Variants in SLCO1A2 observed in about 807,000 individuals in gnomAD.
The protein encoded by SLCO1A2 is OATP-1.
In SLCO1A2, 67 loss-of-function variants were observed where a neutral mutation model predicts 69.0. That is an observed-to-expected ratio of 0.97 (90% CI 0.80 to 1.19). The LOEUF is 1.19. Among genes scored for constraint, SLCO1A2 ranks in the 50% most tolerant of loss-of-function variants. SLCO1A2 has a pLI of 0.00. For missense variants in SLCO1A2, 787 were observed against 793.7 expected (o/e 0.99, Z 0.10); for synonymous variants, 260 against 265.9 (o/e 0.98, Z 0.22).
chr12:21,317,350 C>T (rs551327722), intron 3 of SLCO1A2, among the ~76,000 whole-genome samples: 1 of 152,160 alleles, frequency 6.6e-6, no homozygotes, highest in Non-Finnish European at 1.5e-5. Context: ...TTGCTTCTCA[C>T]ATAGGCTATT....
At chr12:21,385,015 T>C (rs1940804278) in intron 1 of SLCO1A2, among the ~76,000 whole-genome samples, 1 of 152,158 alleles carries the variant, frequency 6.6e-6, no homozygotes, top group Admixed American at 6.5e-5. Flanking sequence ...TCCGTCCGTC[T>C]CGGCCTCCCA....
At chr12:21,318,955 A>G in intron 2 of SLCO1A2, 32 bp from the exon 3 acceptor site, 2 of 1,527,844 alleles carry the variant, frequency 1.3e-6, no homozygotes, top group Non-Finnish European at 1.8e-6. Flanking sequence ...ACGTAGAAAA[A>G]ATTATTTTTA....
chr12:21,388,732 A>G (rs1242875248), intron 1 of SLCO1A2, among the ~76,000 whole-genome samples: 3 of 152,218 alleles, frequency 2.0e-5, no homozygotes, highest in Non-Finnish European at 2.9e-5. Flanking sequence ...AAAGCATGAA[A>G]TATTAAAAAA....
intron 2 of SLCO1A2, 40 bp from the exon 3 acceptor site, chr12:21,318,963 TTAA>T: frequency 6.8e-7 from 1 of 1,477,596 alleles, no homozygotes; most frequent in Non-Finnish European, 9.2e-7. Flanking sequence ...AAAATTATTT[TTAA>T]ATTGTATACT....
At chr12:21,419,364 A>C (rs902519641), upstream of SLCO1A2, 1 of 154,280 alleles carries the variant, frequency 6.5e-6, no homozygotes. Context: ...GGGTGCGTGC[A>C]CCGTGCGCGA....
At chr12:21,364,180 A>T (rs1939179537) in intron 2 of SLCO1A2, among the ~76,000 whole-genome samples, 1 of 152,214 alleles carries the variant, frequency 6.6e-6, no homozygotes, top group African/African-American at 2.4e-5. Flanking sequence ...CCAGCAACAC[A>T]TCAAAAAGCT....
intron 2 of SLCO1A2, among the ~76,000 whole-genome samples, chr12:21,357,236 T>C (rs893207497): frequency 6.6e-6 from 1 of 152,118 alleles, no homozygotes; most frequent in African/African-American, 2.4e-5. Context: ...TGAGATACTT[T>C]GAGACCCTAG....
chr12:21,269,856 A>T, intron 14 of SLCO1A2, 89 bp from the exon 15 acceptor site: 1 of 985,482 alleles, frequency 1.0e-6, no homozygotes, highest in East Asian at 2.9e-5. Context: ...TTATTCTGAT[A>T]AAAACAGCAG....
intron 14 of SLCO1A2, 68 bp from the exon 15 acceptor site, chr12:21,269,835 A>G: frequency 2.5e-6 from 3 of 1,220,136 alleles, no homozygotes; most frequent in Non-Finnish European, 3.3e-6. Flanking sequence ...AAATTTGTAT[A>G]TCTTTGTATT....
At chr12:21,279,003 T>G (rs1216430320) in intron 12 of SLCO1A2, among the ~76,000 whole-genome samples, 1 of 151,090 alleles carries the variant, frequency 6.6e-6, no homozygotes, top group African/African-American at 2.4e-5. Context: ...TACAAAGAGG[T>G]TGACATAAAT....
intron 1 of SLCO1A2, among the ~76,000 whole-genome samples, chr12:21,377,101 T>C (rs1940254341): frequency 6.6e-6 from 1 of 152,178 alleles, no homozygotes; most frequent in South Asian, 2.1e-4. Flanking sequence ...GGTTATGATT[T>C]CTGAGTTTAT....
intron 2 of SLCO1A2, among the ~76,000 whole-genome samples, chr12:21,358,999 T>A: frequency 6.6e-6 from 1 of 152,176 alleles, no homozygotes; most frequent in East Asian, 1.9e-4. Flanking sequence ...GATAATGACT[T>A]ATCTTCAGAA....
intron 11 of SLCO1A2, 88 bp from the exon 12 acceptor site, chr12:21,292,424 G>A: frequency 1.0e-6 from 1 of 995,042 alleles, no homozygotes; most frequent in Admixed American, 2.1e-5. Context: ...GGATCAAGAT[G>A]GAGACTGCTT....
intron 1 of SLCO1A2, among the ~76,000 whole-genome samples, chr12:21,385,415 T>C (rs1384263821): frequency 6.6e-6 from 1 of 152,214 alleles, no homozygotes; most frequent in Non-Finnish European, 1.5e-5. Context: ...GAATCTCTCA[T>C]TAAAAGACAA....
chr12:21,270,039 T>C (rs1246247695), intron 14 of SLCO1A2, among the ~76,000 whole-genome samples: 2 of 151,794 alleles, frequency 1.3e-5, no homozygotes, highest in East Asian at 1.9e-4. Context: ...TAGTTTTTCA[T>C]TGAGTAGGAT....
chr12:21,370,126 A>G (rs1378071853), intron 2 of SLCO1A2, among the ~76,000 whole-genome samples: 2 of 152,194 alleles, frequency 1.3e-5, no homozygotes, highest in Non-Finnish European at 2.9e-5. Flanking sequence ...CAGACAGATA[A>G]GAATTTGTCT....
At chr12:21,321,290 T>A (rs901252993) in intron 2 of SLCO1A2, among the ~76,000 whole-genome samples, 3 of 152,184 alleles carry the variant, frequency 2.0e-5, no homozygotes, top group African/African-American at 7.2e-5. Context: ...CTATGCATGC[T>A]GTCTTTAGGA....
intron 14 of SLCO1A2, among the ~76,000 whole-genome samples, chr12:21,270,945 T>G (rs1301819179): frequency 6.6e-6 from 1 of 151,724 alleles, no homozygotes; most frequent in Non-Finnish European, 1.5e-5. Context: ...CTCTATGGTA[T>G]ATAGTCTATT....
chr12:21,375,930 G>A (rs981622940), intron 1 of SLCO1A2, among the ~76,000 whole-genome samples: 4 of 152,120 alleles, frequency 2.6e-5, no homozygotes, highest in African/African-American at 9.7e-5. Flanking sequence ...AAACCAGGGA[G>A]GTAATGCCTT....
Sources: gnomAD v4.1 joint callset for allele counts (sites outside exome capture counted in the v4.1 genomes callset) on GRCh38, gnomAD v4.1.1 for gene constraint, MANE v1.5 for transcripts, NCBI Gene and HGNC (gene_info 2026-07-23, HGNC 2026-07-21) for gene names.